ENG: variants seen among roughly 807,000 people sequenced by gnomAD.
The protein encoded by ENG is endoglin, also known as CD105 antigen.
A neutral mutation model predicts 71.0 loss-of-function variants in ENG; 17 were observed. The ratio of observed to expected loss-of-function variants is 0.24; its 90% CI spans 0.16 to 0.36. The LOEUF (loss-of-function observed/expected upper bound fraction) is 0.36. ENG is among the 10% of genes least tolerant of loss of function. The probability of loss-of-function intolerance (pLI) is 1.00; values close to 1 mark genes in which losing one functional copy is unlikely to be tolerated. For synonymous variants in ENG, 360 were observed against 366.9 expected, an observed-to-expected ratio of 0.98 and a Z score of 0.21; for missense variants, 749 against 868.3, an observed-to-expected ratio of 0.86 and a Z score of 1.73.
Position 127,818,798 on chromosome 9 carries a change from G to A in ENG, c.1346C>T (p.Ser449Phe). ...KVHCLNMDSL[S>F]FQLGLYLSPH... ...GCTGAGGTAGAGGCCCAGCTGGAAA[G>A]AGAGGCTGTCCATGTTGAGGCAGTG... The change falls in exon 11 of 15, where the codon TCT becomes TTT. Residue 449 changes from serine (S) to phenylalanine (F), a missense_variant. Ser to Phe is a radical substitution (Grantham distance 155). Transcript: ENST00000373203. 1.2e-6 allele frequency: 2 copies of A among 1,614,192 alleles called. No individual in the cohort carries two copies. Among genetic ancestry groups the A allele is most frequent in the Non-Finnish European group, 1.7e-6 (2 of 1,180,036 alleles).
At chr9:127,843,751 ATATATTTTTTTTTT>A (rs1564463103) in intron 1 of ENG, among the ~76,000 whole-genome samples, 1 of 13,812 alleles carries the variant, frequency 7.2e-5, no homozygotes, top group Non-Finnish European at 2.3e-4. Context: ...ATATATATAT[ATATATTTTTTTTTT>A]TTTTTTTTTT....
At chr9:127,825,999 G>T in intron 4 of ENG, 139 bp from the exon 5 acceptor site, 1 of 1,168,166 alleles carries the variant, frequency 8.6e-7, no homozygotes. Context: ...GAGGACCTAG[G>T]TTCGAACTTC....
At position 127,826,717 on chromosome 9, in the gene ENG, G is replaced by A. The variant is rs777144895; in HGVS notation, c.361-45C>T. On this transcript the variant is annotated intron_variant, in intron 3 of 14. Coordinates refer to ENST00000373203, the MANE Select transcript of ENG (RefSeq NM_001114753.3). ...CTCAGCACGCTGTTCCTGGCCCTGT[G>A]CCCTCTCTATCCCATGTAGGAGGTC... 5 of 1,609,318 alleles carry A rather than the reference G, an allele frequency of 3.1e-6. No individual in the cohort carries two copies. The African/African-American group carries it at 6.7e-5, about 22-fold the overall frequency.
chr9:127,854,203 G>A, intron 1 of ENG, 86 bp downstream of exon 1: 1 of 1,409,778 alleles, frequency 7.1e-7, no homozygotes, highest in Non-Finnish European at 9.8e-7. Context: ...GTGAGCTCAG[G>A]ATACAGGAAG....
chr9:127,825,751 G>A lies in ENG; in HGVS notation c.633C>T (p.Gly211=), dbSNP rs928192105. ...PALVRGCHLE[G]VAGHKEAHIL... ...TGTGCGCCTCCTTGTGGCCGGCCAC[G>A]CCTTCCAAGTGGCAGCCCCGGACCA... is the stretch of plus-strand genomic sequence containing the variant. The change falls in exon 5 of 15, where the codon GGC becomes GGT. Residue 211 remains glycine, a synonymous_variant. Coordinates refer to ENST00000373203, the MANE Select transcript of ENG (RefSeq NM_001114753.3). 4 of 1,599,722 alleles carry A rather than the reference G, an allele frequency of 2.5e-6. No individual in the cohort carries two copies. The highest frequency in any genetic ancestry group is 2.7e-5 in the African/African-American group (2 of 74,686).
At chr9:127,824,489 G>C in intron 7 of ENG, 43 bp from the exon 8 acceptor site, 1 of 1,211,438 alleles carries the variant, frequency 8.3e-7, no homozygotes, top group Non-Finnish European at 1.2e-6. Context: ...GTCACTGTGT[G>C]ATCACTGTGT....
At chr9:127,842,587 A>G (rs2031695) in intron 2 of ENG, among the ~76,000 whole-genome samples, 150,727 of 152,104 alleles carry the variant, frequency 0.99, 74,702 homozygotes, top group Middle Eastern at 1. Context: ...ACCACGCCCA[A>G]CTAATTTTTG....
At chr9:127,842,961 T>A in intron 2 of ENG, 133 bp downstream of exon 2, 1 of 1,414,566 alleles carries the variant, frequency 7.1e-7, no homozygotes. Flanking sequence ...GATGCCCACA[T>A]CACTCTCTTG....
At chr9:127,851,584 G>A (rs1831287071) in intron 1 of ENG, among the ~76,000 whole-genome samples, 1 of 151,948 alleles carries the variant, frequency 6.6e-6, no homozygotes, top group Admixed American at 6.6e-5. Context: ...GTGTGTCTGA[G>A]AAAGTCAAAG....
chr9:127,843,755 ATTTTTTTTTTTTT>A (rs71380099), intron 1 of ENG, among the ~76,000 whole-genome samples: 7 of 25,036 alleles, frequency 2.8e-4, no homozygotes, highest in East Asian at 1.2e-3. Context: ...ATATATATAT[ATTTTTTTTTTTTT>A]TTTTTTTTTT....
intron 1 of ENG, among the ~76,000 whole-genome samples, chr9:127,852,225 T>C (rs1426207447): frequency 6.6e-6 from 1 of 152,152 alleles, no homozygotes; most frequent in African/African-American, 2.4e-5. Flanking sequence ...CTTTACAGAG[T>C]TGGACGAATA....
rs1198670503 is a variant in ENG at position 127,846,217 on chromosome 9, C to T, written c.68-2972G>A. Among the ~76,000 whole-genome samples the T allele has an allele frequency of 1.3e-5, 2 of 152,128 alleles. No individual in the cohort carries two copies. The highest frequency in any genetic ancestry group is 2.9e-5 in the Non-Finnish European group (2 of 68,020). ...ATCTCCTGTCTCCAGTCCCTCTGAC[C>T]CACCAGCCCCCATGTTCTCCCCACC... is the stretch of plus-strand genomic sequence containing the variant. On this transcript the variant is annotated intron_variant, in intron 1 of 14. Transcript: ENST00000373203. This position sits in a 1 kb window ranked among gnomAD's most constrained non-coding sequence, Gnocchi z 5.5.
intron 2 of ENG, among the ~76,000 whole-genome samples, chr9:127,832,996 A>G (rs1022231001): frequency 4.6e-5 from 7 of 152,214 alleles, no homozygotes; most frequent in Admixed American, 6.5e-5. Context: ...ACCTCAGGTG[A>G]TCCACCCGCC....
At chr9:127,821,880 T>TAAAAA in intron 8 of ENG, among the ~76,000 whole-genome samples, 1 of 53,050 alleles carries the variant, frequency 1.9e-5, no homozygotes, top group Non-Finnish European at 3.6e-5. Flanking sequence ...GAGACTGTCT[T>TAAAAA]AAAAAAAAAA....
In ENG at chr9:127,836,133, C is replaced by T. The variant is rs1344225512; in HGVS notation, c.220-6306G>A. Among the ~76,000 whole-genome samples the T allele has an allele frequency of 6.6e-6, 1 of 152,240 alleles. No individual in the cohort carries two copies. Among genetic ancestry groups the T allele is most frequent in the Non-Finnish European group, 1.5e-5 (1 of 68,044 alleles). On this transcript the variant is annotated intron_variant, in intron 2 of 14. Transcript: ENST00000373203. The surrounding 1 kb of genome is among the most constrained non-coding windows in gnomAD (Gnocchi z 4.0). The stretch of plus-strand genomic sequence containing the variant: ...CCGCCACGGCCACTCACACGCACAC[C>T]GACTTCCCCCTTCTCTCCCGGCCGG...
At chr9:127,817,533 G>C (rs547040448) in intron 12 of ENG, among the ~76,000 whole-genome samples, 1 of 152,282 alleles carries the variant, frequency 6.6e-6, no homozygotes, top group East Asian at 1.9e-4. Flanking sequence ...GGCTCACTCT[G>C]GCTGGAGGGA....
intron 13 of ENG, chr9:127,816,932 C>T: frequency 1.6e-6 from 1 of 621,512 alleles, no homozygotes; most frequent in Non-Finnish European, 2.9e-6. Flanking sequence ...ACAGGGCGGT[C>T]CCGGGCAAGG....
At chr9:127,816,130 G>A (rs1830308027) in intron 13 of ENG, 77 bp from the exon 14 acceptor site, 19 of 1,535,480 alleles carry the variant, frequency 1.2e-5, no homozygotes, top group Admixed American at 1.9e-5. Flanking sequence ...GGCCCATGTG[G>A]GCTTTGGTGC....
intron 12 of ENG, 170 bp downstream of exon 12, chr9:127,817,950 C>G: frequency 9.7e-7 from 1 of 1,029,864 alleles, no homozygotes; most frequent in Non-Finnish European, 1.4e-6. Context: ...AGAAAGCTCT[C>G]GGGTGGCAGA....
Sources: gnomAD v4.1 joint callset for allele counts (sites outside exome capture counted in the v4.1 genomes callset) on GRCh38, gnomAD v4.1.1 for gene constraint, Gnocchi (gnomAD v3.1) non-coding constraint, MANE v1.5 for transcripts, NCBI Gene and HGNC (gene_info 2026-07-23, HGNC 2026-07-21) for gene names.